The following SFSWAP variants were observed in gnomAD, a reference collection of about 807,000 sequenced individuals.
The protein encoded by SFSWAP is splicing factor, suppressor of white-apricot homolog.
Under a neutral mutation model 100.7 loss-of-function variants are expected in SFSWAP, and 17 were observed. That is an observed-to-expected ratio of 0.17 (90% CI 0.12 to 0.25). The LOEUF is 0.25. Ranked by LOEUF, SFSWAP falls within the 10% of genes least tolerant of loss-of-function variation. The pLI, the probability that SFSWAP is intolerant of heterozygous loss-of-function variation, is 1.00. For synonymous variants in SFSWAP, 504 were observed against 510.1 expected, an observed-to-expected ratio of 0.99 and a Z score of 0.16; for missense variants, 1,005 against 1,262.6, an observed-to-expected ratio of 0.80 and a Z score of 3.09.
chr12:131,737,822 A>C (rs1880176821), intron 7 of SFSWAP, among the ~76,000 whole-genome samples: 1 of 152,056 alleles, frequency 6.6e-6, no homozygotes, highest in African/African-American at 2.4e-5. Flanking sequence ...TATATATAAA[A>C]TATGTGTATA....
Position 131,753,198 on chromosome 12 carries a change from G to C in SFSWAP, c.1157G>C (p.Gly386Ala). The C allele has an allele frequency of 6.2e-7, 1 of 1,614,174 alleles. No individual in the cohort carries two copies. The highest frequency in any genetic ancestry group is 8.5e-7 in the Non-Finnish European group (1 of 1,180,018). Residue 386 changes from glycine (G) to alanine (A), a missense_variant, in exon 8 of 18, where the codon GGA (glycine) becomes GCA (alanine). This residue lies in a region of SFSWAP where 311 missense variants were observed against 317.8 expected (regional missense o/e 0.98). Transcript: ENST00000261674. ...TACTGCCTGGCGCCGCCCCCTCCCG[G>C]AATCGACGTGACTACTTACTACAGC... Reference protein sequence around the residue: ...GTYCLAPPPPGIDVTTYYSTL... With the variant: ...GTYCLAPPPPAIDVTTYYSTL...
At position 131,746,921 on chromosome 12, in the gene SFSWAP, G is replaced by A. The variant is rs185214417; in HGVS notation, c.1082-6202G>A. Among the ~76,000 whole-genome samples, 693 of 152,146 alleles carry A rather than the reference G, an allele frequency of 4.6e-3. 2 individuals are homozygous for A. The highest frequency in any genetic ancestry group is 8.0e-3 in the Non-Finnish European group (545 of 68,002). The stretch of plus-strand genomic sequence containing the variant: ...AGATCGAGACCATCCTGGCTAACAC[G>A]GTGAAACCCGGTCTCTACTAAAAAT... On this transcript the variant is annotated intron_variant, in intron 7 of 17. Transcript: ENST00000261674.
chr12:131,799,078 T>C lies in SFSWAP; in HGVS notation c.2759T>C (p.Ile920Thr). The C allele has an allele frequency of 6.2e-7, 1 of 1,614,102 alleles. No individual in the cohort carries two copies. Among genetic ancestry groups the C allele is most frequent in the African/African-American group, 1.3e-5 (1 of 75,016 alleles). ...AAAGAAGCCCAGATCTCTTCAGCAA[T>C]CGTTTCTTCCGTGCAGAGCAAAATC... The part of the protein sequence containing the change: ...QEKEAQISSA[I>T]VSSVQSKITQ... The change falls in exon 17 of 18, where the codon ATC becomes ACC. Residue 920 changes from isoleucine (I) to threonine (T), a missense_variant. Physicochemically the swap from Ile to Thr is moderately conservative, Grantham distance 89 (BLOSUM62 -1). Coordinates refer to ENST00000261674, the MANE Select transcript of SFSWAP (RefSeq NM_004592.4).
At chr12:131,756,413 T>C in intron 10 of SFSWAP, 60 bp from the exon 11 acceptor site, 1 of 1,523,862 alleles carries the variant, frequency 6.6e-7, no homozygotes, top group South Asian at 1.1e-5. Context: ...TACATCTCTC[T>C]TTTTTTAAAA....
intron 14 of SFSWAP, chr12:131,785,346 G>T (rs756151526): frequency 4.9e-5 from 44 of 905,008 alleles, no homozygotes; most frequent in Non-Finnish European, 6.5e-5. Context: ...CAGGATGCCG[G>T]GGTCTGAGTG....
At chr12:131,748,532 A>G (rs537535739) in intron 7 of SFSWAP, among the ~76,000 whole-genome samples, 36 of 152,262 alleles carry the variant, frequency 2.4e-4, no homozygotes, top group African/African-American at 7.2e-4. Flanking sequence ...TTGCTCACCA[A>G]TCTCCTCTCT....
intron 7 of SFSWAP, among the ~76,000 whole-genome samples, chr12:131,739,325 A>G (rs576174738): frequency 6.6e-6 from 1 of 152,318 alleles, no homozygotes; most frequent in East Asian, 1.9e-4. Flanking sequence ...ACATTGTGTC[A>G]ATATGCATTG....
chr12:131,731,760 T>C (rs1177778190), intron 7 of SFSWAP, among the ~76,000 whole-genome samples: 1 of 152,184 alleles, frequency 6.6e-6, no homozygotes, highest in East Asian at 1.9e-4. Flanking sequence ...TCAACTATGC[T>C]TAAAATAATA....
chr12:131,754,627 CTTTT>C (rs869226840), intron 9 of SFSWAP, 128 bp downstream of exon 9: 106 of 80,664 alleles, frequency 1.3e-3, no homozygotes, highest in South Asian at 5.7e-3. Flanking sequence ...GCTCAAATGT[CTTTT>C]TTTTTTTTTT....
intron 11 of SFSWAP, 124 bp from the exon 12 acceptor site, chr12:131,764,332 C>T: frequency 1.4e-6 from 1 of 729,896 alleles, no homozygotes; most frequent in Non-Finnish European, 2.4e-6. Flanking sequence ...ACCGTAGACC[C>T]TGCATATGAT....
chr12:131,789,236 C>T lies in SFSWAP; in HGVS notation c.2534+2648C>T, dbSNP rs150779509. ...AGCTCAAGCAGTCTGCCTATCTCAG[C>T]CTCCCAAAGTGCTGGCATAAACCAC... On this transcript the variant is annotated intron_variant, in intron 15 of 17. Transcript: ENST00000261674. 7.2e-3 allele frequency among the ~76,000 whole-genome samples: 1,089 copies of T among 152,276 alleles called. 16 individuals carry two copies. Among genetic ancestry groups the T allele is most frequent in the African/African-American group, 0.024 (1,013 of 41,578 alleles).
chr12:131,722,659 T>G (rs1878589917), intron 4 of SFSWAP, among the ~76,000 whole-genome samples: 1 of 152,000 alleles, frequency 6.6e-6, no homozygotes. Flanking sequence ...CTCAAAATAA[T>G]TTTACAGGCC....
At position 131,745,901 on chromosome 12, in the gene SFSWAP, C is replaced by T. The variant is rs367697362; in HGVS notation, c.1082-7222C>T. On this transcript the variant is annotated intron_variant, in intron 7 of 17. Transcript: ENST00000261674. ...TGGCGACTCTTGGCAGCGGGTCAGGCTGTGGGCTTCAGAGTGGGCCGCTTC... is the reference window on the plus strand; with the variant it reads ...TGGCGACTCTTGGCAGCGGGTCAGGTTGTGGGCTTCAGAGTGGGCCGCTTC... 6.6e-4 allele frequency among the ~76,000 whole-genome samples: 100 copies of T among 152,340 alleles called. 1 individual carries two copies. The South Asian group carries it at 0.019, about 30-fold the overall frequency.
intron 11 of SFSWAP, among the ~76,000 whole-genome samples, chr12:131,762,129 A>C (rs1409521880): frequency 1.3e-5 from 2 of 152,160 alleles, no homozygotes; most frequent in African/African-American, 4.8e-5. Context: ...GCTACTCAAG[A>C]GGCTGAGGCA....
rs1215633269 is a variant in SFSWAP, at chr12:131,778,706, CG to C, written c.2408+380del. 1.3e-5 allele frequency among the ~76,000 whole-genome samples: 2 copies of C among 152,004 alleles called. No homozygotes were observed. The highest frequency in any genetic ancestry group is 2.9e-5 in the Non-Finnish European group (2 of 67,996). Reference sequence around the variant, plus strand: ...CTAATTTTTGTATTTTTAGTAGAGACGGGGTTTCACCGTGTCGGCCAGGCTG... The same window carrying C: ...CTAATTTTTGTATTTTTAGTAGAGACGGGTTTCACCGTGTCGGCCAGGCTG... On this transcript the variant is annotated intron_variant, in intron 14 of 17. Transcript: ENST00000261674. The surrounding 1 kb of genome is among the most constrained non-coding windows in gnomAD (Gnocchi z 4.2).
At chr12:131,735,300 T>G (rs1256104671) in intron 7 of SFSWAP, among the ~76,000 whole-genome samples, 1 of 152,250 alleles carries the variant, frequency 6.6e-6, no homozygotes, top group Admixed American at 6.5e-5. Flanking sequence ...AGTTGGGCTT[T>G]GTTGTGGCTG....
intron 7 of SFSWAP, among the ~76,000 whole-genome samples, chr12:131,747,987 C>T (rs908516168): frequency 1.1e-4 from 17 of 152,160 alleles, no homozygotes; most frequent in Non-Finnish European, 2.1e-4. Flanking sequence ...ATGGCCGCTG[C>T]CGAGGAAGAG....
chr12:131,772,966 A>C (rs1883735542), intron 13 of SFSWAP, among the ~76,000 whole-genome samples: 1 of 152,114 alleles, frequency 6.6e-6, no homozygotes, highest in African/African-American at 2.4e-5. Context: ...CCCTCAGCCA[A>C]ACTCCTCTCC....
Position 131,726,952 on chromosome 12 carries a change from G to A in SFSWAP, c.845G>A (p.Ser282Asn). 1 of 1,591,518 alleles carries A rather than the reference G, an allele frequency of 6.3e-7. No individual in the cohort carries two copies. The highest frequency in any genetic ancestry group is 8.6e-7 in the Non-Finnish European group (1 of 1,162,660). Reference protein sequence around the residue: ...KSDEKKKSGVSSDNEDDDDEE... With the variant: ...KSDEKKKSGVNSDNEDDDDEE... ...ATTTTGATTTCAGAATCAGGAGTCAGCTCTGACAATGAAGATGATGATGAT... is the reference window on the plus strand; with the variant it reads ...ATTTTGATTTCAGAATCAGGAGTCAACTCTGACAATGAAGATGATGATGAT... Residue 282 changes from serine (S) to asparagine (N), a missense_variant, in exon 6 of 18, where the codon AGC (serine) becomes AAC (asparagine). Coordinates refer to ENST00000261674, the MANE Select transcript of SFSWAP (RefSeq NM_004592.4).
Sources: gnomAD v4.1 joint callset for allele counts (sites outside exome capture counted in the v4.1 genomes callset) on GRCh38, gnomAD v4.1.1 for gene constraint, gnomAD v4.1.1 regional missense constraint, Gnocchi (gnomAD v3.1) non-coding constraint, MANE v1.5 for transcripts, NCBI Gene and HGNC (gene_info 2026-07-23, HGNC 2026-07-21) for gene names.